Variants in OR51B5 observed in about 807,000 individuals in gnomAD.
OR51B5 encodes the protein olfactory receptor family 51 subfamily B member 5.
For synonymous variants in OR51B5, 186 were observed against 144.8 expected (o/e 1.28, Z -2.04); for missense variants, 456 against 374.6 (o/e 1.22, Z -1.79).
intron 1 of OR51B5, chr11:5,389,484 T>G (rs1849755669): frequency 6.2e-7 from 1 of 1,613,904 alleles, no homozygotes; most frequent in Non-Finnish European, 8.5e-7. Context: ...CTCACCAGCT[T>G]TCCTGGATTG....
intron 1 of OR51B5, among the ~76,000 whole-genome samples, chr11:5,371,181 A>C (rs543805872): frequency 1.3e-5 from 2 of 152,222 alleles, no homozygotes; most frequent in East Asian, 3.8e-4. Context: ...ATACAAGGGC[A>C]CTGAAATATT....
chr11:5,432,382 G>C (rs1850546217), intron 1 of OR51B5, among the ~76,000 whole-genome samples: 1 of 152,148 alleles, frequency 6.6e-6, no homozygotes, highest in South Asian at 2.1e-4. Context: ...CCAGTTACTA[G>C]ATGTGTGATG....
chr11:5,461,258 G>GGGGGT (rs1851046020), intron 1 of OR51B5, among the ~76,000 whole-genome samples: 1 of 152,196 alleles, frequency 6.6e-6, no homozygotes, highest in African/African-American at 2.4e-5. Flanking sequence ...CTGCAGGCCA[G>GGGGGT]GGGGTGGAGG....
rs267602946 is a variant in OR51B5, at chr11:5,343,380, C to A, written c.145G>T (p.Glu49Ter). 1 of 1,613,846 alleles carries A rather than the reference C, an allele frequency of 6.2e-7. No homozygotes were observed. Among genetic ancestry groups the A allele is most frequent in the South Asian group, 1.1e-5 (1 of 91,046 alleles). ...ATGGGCTCATGAAGATTGTGATCTTCCTTAATGAGAAGAAGGAGGGTGCCA... is the reference window on the plus strand; with the variant it reads ...ATGGGCTCATGAAGATTGTGATCTTACTTAATGAGAAGAAGGAGGGTGCCA... Residue 49 changes from glutamate (E) to a stop codon, truncating the protein, a stop_gained, in exon 1 of 1, where the codon GAA becomes TAA. Transcript: ENST00000300773. LOFTEE classifies it low-confidence loss of function (END_TRUNC).
intron 1 of OR51B5, among the ~76,000 whole-genome samples, chr11:5,376,219 A>T (rs1346766745): frequency 1.3e-5 from 2 of 152,100 alleles, no homozygotes; most frequent in Non-Finnish European, 2.9e-5. Context: ...ACTACTGGGT[A>T]CATAACGAAA....
chr11:5,484,583 C>T (rs1851473696), intron 1 of OR51B5, among the ~76,000 whole-genome samples: 2 of 152,176 alleles, frequency 1.3e-5, no homozygotes, highest in Non-Finnish European at 2.9e-5. Flanking sequence ...CAGTGCAATG[C>T]ATTATGATAA....
At chr11:5,343,220 A>C in exon 1 of OR51B5, 1 of 1,613,372 alleles carries the variant, frequency 6.2e-7, no homozygotes. Context: ...AAGTGAGTGT[A>C]TAAAGTAGGC....
intron 1 of OR51B5, among the ~76,000 whole-genome samples, chr11:5,374,781 GA>G (rs562383842): frequency 6.6e-6 from 1 of 152,010 alleles, no homozygotes; most frequent in Non-Finnish European, 1.5e-5. Flanking sequence ...GAAGTTTAGA[GA>G]AAAAAGAATA....
chr11:5,341,154 A>T (rs1328582262), downstream of OR51B5: 2 of 152,206 alleles, frequency 1.3e-5, no homozygotes, highest in Non-Finnish European at 1.5e-5. Context: ...ATAGGGATTC[A>T]AATGTGTGCA....
chr11:5,352,236 C>A (rs1349274709), intron 1 of OR51B5: 1 of 1,614,166 alleles, frequency 6.2e-7, no homozygotes. Flanking sequence ...TCTCTCATAT[C>A]TGCTGCATCC....
rs141948995 is a variant in OR51B5 at position 5,366,552 on chromosome 11, T to A, written n.85-19642A>T. ...TGAACCTGGGAGGCGGAGGTTGCAG[T>A]GAGCCGAGATCGCGCCATTGCACTC... On this transcript the variant is annotated intron_variant and non_coding_transcript_variant, in intron 1 of 4. Transcript: ENST00000415970. Among the ~76,000 whole-genome samples the A allele has an allele frequency of 9.4e-3, 1,421 of 151,332 alleles. 26 individuals carry two copies. The highest frequency in any genetic ancestry group is 0.032 in the African/African-American group (1,314 of 41,186).
intron 1 of OR51B5, among the ~76,000 whole-genome samples, chr11:5,425,772 G>A (rs1235708865): frequency 6.6e-6 from 1 of 152,086 alleles, no homozygotes; most frequent in African/African-American, 2.4e-5. Flanking sequence ...ATTATTTTAA[G>A]TTAGCTATTT....
intron 1 of OR51B5, among the ~76,000 whole-genome samples, chr11:5,400,248 G>C (rs1372702070): frequency 3.3e-5 from 5 of 152,142 alleles, no homozygotes; most frequent in African/African-American, 7.2e-5. Flanking sequence ...AGCATGGTAA[G>C]TGTCCAAGGA....
At chr11:5,473,125 C>A (rs1339742772) in intron 1 of OR51B5, among the ~76,000 whole-genome samples, 3 of 152,110 alleles carry the variant, frequency 2.0e-5, no homozygotes, top group Non-Finnish European at 4.4e-5. Context: ...TACACAAATT[C>A]CTACACATCT....
At chr11:5,459,635 A>G (rs1851016688) in intron 1 of OR51B5, among the ~76,000 whole-genome samples, 1 of 150,538 alleles carries the variant, frequency 6.6e-6, no homozygotes, top group South Asian at 2.2e-4. Context: ...ATAAAAGCCC[A>G]GTATCACTGA....
chr11:5,423,575 G>A (rs1056860415), intron 1 of OR51B5, among the ~76,000 whole-genome samples: 1 of 152,124 alleles, frequency 6.6e-6, no homozygotes, highest in Non-Finnish European at 1.5e-5. Flanking sequence ...TAGATCTTCT[G>A]TTCTGGGTCA....
At chr11:5,371,398 G>A (rs1460685245) in intron 1 of OR51B5, among the ~76,000 whole-genome samples, 4 of 151,920 alleles carry the variant, frequency 2.6e-5, no homozygotes, top group African/African-American at 4.8e-5. Flanking sequence ...GTTGTAGGCC[G>A]GAGATATAAA....
At chr11:5,401,553 T>C (rs1489979839) in intron 1 of OR51B5, among the ~76,000 whole-genome samples, 1 of 152,252 alleles carries the variant, frequency 6.6e-6, no homozygotes, top group Non-Finnish European at 1.5e-5. Context: ...TGCTTAATTA[T>C]TCATACAATT....
At position 5,423,083 on chromosome 11, in the gene OR51B5, A is replaced by T. The variant is rs1340364555; in HGVS notation, n.85-76173T>A. On this transcript the variant is annotated intron_variant and non_coding_transcript_variant, in intron 1 of 4. Transcript: ENST00000415970. ...CCCGGTGATGAACCCCATCATTTACAGTGTAAAGAACAAGCAGATCCAATG... is the reference window on the plus strand; with the variant it reads ...CCCGGTGATGAACCCCATCATTTACTGTGTAAAGAACAAGCAGATCCAATG... The T allele has an allele frequency of 1.9e-6, 3 of 1,614,046 alleles. No homozygotes were observed. The South Asian group carries it at 3.3e-5, about 18-fold the overall frequency.
Sources: gnomAD v4.1 joint callset for allele counts (sites outside exome capture counted in the v4.1 genomes callset) on GRCh38, gnomAD v4.1.1 for gene constraint, MANE v1.5 for transcripts, NCBI Gene and HGNC (gene_info 2026-07-23, HGNC 2026-07-21) for gene names.